CRISPLD2: variants seen among roughly 807,000 people sequenced by gnomAD.
CRISPLD2 encodes the protein cysteine rich secretory protein LCCL domain containing 2.
A neutral mutation model predicts 71.1 loss-of-function variants in CRISPLD2; 47 were observed. The observed-to-expected ratio is 0.66, with a 90% CI of 0.52 to 0.84. The LOEUF (loss-of-function observed/expected upper bound fraction) is 0.84, where lower values mean the gene tolerates loss of function less well. Ranked by LOEUF, CRISPLD2 falls within the 40% of genes least tolerant of loss-of-function variation. The pLI is 0.00. For missense variants in CRISPLD2, 830 were observed against 651.1 expected (o/e 1.27, Z -2.99); for synonymous variants, 317 against 250.1 (o/e 1.27, Z -2.52).
At chr16:84,866,822 T>G in intron 6 of CRISPLD2, 75 bp from the exon 7 acceptor site, 1 of 1,419,542 alleles carries the variant, frequency 7.0e-7, no homozygotes, top group South Asian at 1.2e-5. Context: ...GTTTTCAAAT[T>G]GCTTTTTTTT....
intron 1 of CRISPLD2, among the ~76,000 whole-genome samples, chr16:84,824,845 C>G (rs1916311021): frequency 6.6e-6 from 1 of 152,184 alleles, no homozygotes; most frequent in African/African-American, 2.4e-5. Context: ...TGGCTCATGC[C>G]TGTCATCCCA....
intron 13 of CRISPLD2, among the ~76,000 whole-genome samples, chr16:84,883,571 G>A (rs552046002): frequency 6.6e-6 from 1 of 152,334 alleles, no homozygotes; most frequent in East Asian, 1.9e-4. Flanking sequence ...GCGCCTGCCT[G>A]AGGGCTGGAA....
At chr16:84,822,538 G>A (rs1916254619) in intron 1 of CRISPLD2, among the ~76,000 whole-genome samples, 1 of 152,172 alleles carries the variant, frequency 6.6e-6, no homozygotes, top group African/African-American at 2.4e-5. Context: ...AGACTCAGGA[G>A]GCTTTTTCTT....
chr16:84,899,616 G>A (rs1405949333), intron 14 of CRISPLD2, among the ~76,000 whole-genome samples: 3 of 152,140 alleles, frequency 2.0e-5, no homozygotes, highest in Non-Finnish European at 2.9e-5. Context: ...CATCCTGGGC[G>A]GTGTCAGCAC....
At chr16:84,827,900 C>T (rs1441191134) in intron 1 of CRISPLD2, among the ~76,000 whole-genome samples, 1 of 152,154 alleles carries the variant, frequency 6.6e-6, no homozygotes, top group African/African-American at 2.4e-5. Flanking sequence ...TCAGCAGGAC[C>T]TTGCCGTCTA....
chr16:84,860,555 G>T (rs1917351845), intron 6 of CRISPLD2, among the ~76,000 whole-genome samples: 1 of 152,022 alleles, frequency 6.6e-6, no homozygotes, highest in East Asian at 1.9e-4. Flanking sequence ...GCAGTGCAGG[G>T]TTTATCCCCT....
chr16:84,820,171 G>C (rs1330851960), intron 1 of CRISPLD2, 38 bp downstream of exon 1: 1 of 152,172 alleles, frequency 6.6e-6, no homozygotes, highest in East Asian at 1.9e-4. Flanking sequence ...TTTGCAAACT[G>C]TTACCCCCCC....
chr16:84,906,503 A>T (rs1250599675), intron 14 of CRISPLD2, 85 bp from the exon 15 acceptor site: 1 of 1,435,410 alleles, frequency 7.0e-7, no homozygotes, highest in Non-Finnish European at 9.7e-7. Flanking sequence ...AGCAGGAGGC[A>T]CCCAGGTCTC....
In CRISPLD2 at chr16:84,873,912, T is replaced by C. The variant is rs756632145; in HGVS notation, c.1113-8T>C. 1 of 1,525,600 alleles carries C rather than the reference T, an allele frequency of 6.6e-7. No individual in the cohort carries two copies. The highest frequency in any genetic ancestry group is 1.2e-5 in the South Asian group (1 of 81,108). 94.5% of individuals were successfully genotyped at this position (1,525,600 alleles called of 1,614,324 possible). Reference sequence around the variant, plus strand: ...ATGCCCGTTTTTTTTTTTTTTTTTTTTAAACAGCAAATACAAACCTTCCAG... The same window carrying C: ...ATGCCCGTTTTTTTTTTTTTTTTTTCTAAACAGCAAATACAAACCTTCCAG... On this transcript the variant is annotated splice_region_variant and splice_polypyrimidine_tract_variant and intron_variant, in intron 10 of 14. Transcript: ENST00000262424.
chr16:84,841,640 G>C (rs1190013466), intron 2 of CRISPLD2, among the ~76,000 whole-genome samples: 1 of 151,866 alleles, frequency 6.6e-6, no homozygotes, highest in Non-Finnish European at 1.5e-5. Flanking sequence ...CTGTCCCCCA[G>C]GCTGGAGTGC....
At chr16:84,863,698 G>T (rs940250482) in intron 6 of CRISPLD2, among the ~76,000 whole-genome samples, 1 of 152,160 alleles carries the variant, frequency 6.6e-6, no homozygotes, top group Non-Finnish European at 1.5e-5. Flanking sequence ...GGCCGGGCGC[G>T]GTGGCTCATG....
chr16:84,880,674 A>T lies in CRISPLD2; in HGVS notation c.1305+90A>T, dbSNP rs749162261. ...CCAAGATCTGGATACTTGAAACTTT[A>T]TTCCAGTGCCTCTTAGCTAAATTAA... On this transcript the variant is annotated intron_variant, in intron 13 of 14. Coordinates refer to ENST00000262424, the MANE Select transcript of CRISPLD2 (RefSeq NM_031476.4). 3 of 846,502 alleles carry T rather than the reference A, an allele frequency of 3.5e-6. No individual in the cohort carries two copies. In the East Asian group the frequency reaches 7.4e-5, roughly 21 times the overall value. 52.4% of individuals were successfully genotyped at this position (846,502 alleles called of 1,614,324 possible).
chr16:84,821,032 C>T (rs1916218638), intron 1 of CRISPLD2, among the ~76,000 whole-genome samples: 1 of 152,242 alleles, frequency 6.6e-6, no homozygotes, highest in Non-Finnish European at 1.5e-5. Context: ...AATTGGGCGT[C>T]TCTCAGCCAA....
chr16:84,870,450 G>C (rs1050969668), intron 8 of CRISPLD2, among the ~76,000 whole-genome samples: 1 of 151,932 alleles, frequency 6.6e-6, no homozygotes, highest in African/African-American at 2.4e-5. Flanking sequence ...CTCCCGCGTA[G>C]CTGGAACTAC....
At chr16:84,903,401 G>A (rs2071772797) in intron 14 of CRISPLD2, among the ~76,000 whole-genome samples, 2 of 152,058 alleles carry the variant, frequency 1.3e-5, no homozygotes, top group Admixed American at 1.3e-4. Context: ...AGACCAGCCT[G>A]GCCAATATGG....
chr16:84,841,245 G>A (rs549408997), intron 2 of CRISPLD2, among the ~76,000 whole-genome samples: 5 of 152,228 alleles, frequency 3.3e-5, no homozygotes, highest in Non-Finnish European at 5.9e-5. Flanking sequence ...CCTGAAGAGT[G>A]AGCATGGTTG....
chr16:84,884,124 C>A (rs1449914337), intron 13 of CRISPLD2, among the ~76,000 whole-genome samples: 1 of 152,164 alleles, frequency 6.6e-6, no homozygotes, highest in Non-Finnish European at 1.5e-5. Flanking sequence ...GGATTACAGG[C>A]GTGAGCCACC....
chr16:84,879,592 C>A (rs982435483), intron 12 of CRISPLD2, among the ~76,000 whole-genome samples: 3 of 152,112 alleles, frequency 2.0e-5, no homozygotes, highest in Non-Finnish European at 2.9e-5. Context: ...GAACTCCCGA[C>A]CTCAGGTGAT....
chr16:84,876,683 C>T (rs1184278606), intron 11 of CRISPLD2, among the ~76,000 whole-genome samples: 1 of 151,884 alleles, frequency 6.6e-6, no homozygotes, highest in Non-Finnish European at 1.5e-5. Context: ...ATCCCAGCTA[C>T]TCGGGAGGCT....
Sources: gnomAD v4.1 joint callset for allele counts (sites outside exome capture counted in the v4.1 genomes callset) on GRCh38, gnomAD v4.1.1 for gene constraint, MANE v1.5 for transcripts, NCBI Gene and HGNC (gene_info 2026-07-23, HGNC 2026-07-21) for gene names.